Variants in ZNF469 observed in about 807,000 individuals in gnomAD.
ZNF469 encodes the protein zinc finger protein 469.
Under a neutral mutation model 1.0 loss-of-function variants are expected in ZNF469, and 1 was observed. The observed-to-expected ratio is 1.00, with a 90% CI of 0.35 to 4.73. The LOEUF (loss-of-function observed/expected upper bound fraction) is 4.73, where lower values mean the gene tolerates loss of function less well. ZNF469 is among the 30% of genes most tolerant of loss of function. ZNF469 has a pLI of 0.16. For synonymous variants in ZNF469, 2,703 were observed against 2,363.4 expected (o/e 1.14, Z -4.17); for missense variants, 6,100 against 5,356.3 (o/e 1.14, Z -4.33).
chr16:88,223,623 G>C, the ZNF469 span, among the ~76,000 whole-genome samples: 1 of 152,154 alleles, frequency 6.6e-6, no homozygotes. Context: ...ATGATGCCTC[G>C]ACCCTGGTGC....
intron 1 of ZNF469, among the ~76,000 whole-genome samples, chr16:88,399,401 T>C (rs1031232953): frequency 1.4e-4 from 22 of 151,940 alleles, no homozygotes; most frequent in African/African-American, 5.3e-4. Flanking sequence ...TTGCCCAGAG[T>C]CACAGCTACA....
chr16:88,102,362 A>G, the ZNF469 span, among the ~76,000 whole-genome samples: 1 of 152,200 alleles, frequency 6.6e-6, no homozygotes, highest in Non-Finnish European at 1.5e-5. Flanking sequence ...TACTAAAAAA[A>G]TACAAAATTT....
chr16:88,271,741 C>T, the ZNF469 span, among the ~76,000 whole-genome samples: 1 of 151,824 alleles, frequency 6.6e-6, no homozygotes, highest in Admixed American at 6.5e-5. Flanking sequence ...CCATCAAGAA[C>T]TCAACAGAGT....
the ZNF469 span, among the ~76,000 whole-genome samples, chr16:88,284,788 G>A: frequency 6.6e-6 from 1 of 152,340 alleles, no homozygotes; most frequent in African/African-American, 2.4e-5. Context: ...GGAGGGCGAT[G>A]GGGCCTTGGT....
the ZNF469 span, among the ~76,000 whole-genome samples, chr16:88,102,351 C>G: frequency 6.6e-6 from 1 of 152,110 alleles, no homozygotes; most frequent in African/African-American, 2.4e-5. Flanking sequence ...AACCCCATCT[C>G]TACTAAAAAA....
chr16:88,180,429 C>A, the ZNF469 span, among the ~76,000 whole-genome samples: 3 of 152,006 alleles, frequency 2.0e-5, no homozygotes, highest in African/African-American at 4.8e-5. Context: ...AATAGATATC[C>A]GAACAAGGAA....
At chr16:88,370,554 G>C in the ZNF469 span, among the ~76,000 whole-genome samples, 5 of 152,152 alleles carry the variant, frequency 3.3e-5, no homozygotes, top group Non-Finnish European at 7.3e-5. Context: ...GGTTCCTCTC[G>C]GGGTTAGACG....
rs1031630531 is a variant in ZNF469, at chr16:88,438,205, G to A, written c.10735G>A (p.Glu3579Lys). 2.6e-6 allele frequency: 4 copies of A among 1,547,220 alleles called. No individual in the cohort carries two copies. In the African/African-American group the frequency reaches 5.5e-5, roughly 21 times the overall value. Residue 3579 changes from glutamate (E) to lysine (K), a missense_variant, in exon 3 of 3, where the codon GAG becomes AAG. Coordinates refer to ENST00000565624, the MANE Select transcript of ZNF469 (RefSeq NM_001367624.2). ...GCTGGACGGAGCCCTGGAGAGGCCAGAGAACGAGGCTTCCCCAGGCAGCCC... is the reference window on the plus strand; with the variant it reads ...GCTGGACGGAGCCCTGGAGAGGCCAAAGAACGAGGCTTCCCCAGGCAGCCC... ...CALDGALERP[E>K]NEASPGSPGP...
the ZNF469 span, among the ~76,000 whole-genome samples, chr16:88,289,394 T>A: frequency 6.6e-6 from 1 of 150,608 alleles, no homozygotes; most frequent in Non-Finnish European, 1.5e-5. Flanking sequence ...GTGATGATCA[T>A]GATGATGGTG....
Position 88,430,485 on chromosome 16 carries a change from C to T in ZNF469, c.3015C>T (p.Arg1005=). Residue 1005 remains arginine (R), a synonymous_variant, in exon 3 of 3, where the codon CGC becomes CGT. Transcript: ENST00000565624. ...RRPRTQAPGS[R]ADPAPRVPRA... Reference sequence around the variant, plus strand: ...CTAGAACGCAGGCCCCCGGGAGCCGCGCAGACCCCGCGCCCCGGGTCCCGA... The same window carrying T: ...CTAGAACGCAGGCCCCCGGGAGCCGTGCAGACCCCGCGCCCCGGGTCCCGA... 1 of 1,424,184 alleles carries T rather than the reference C, an allele frequency of 7.0e-7. No homozygotes were observed. Among genetic ancestry groups the T allele is most frequent in the South Asian group, 1.5e-5 (1 of 66,296 alleles). The allele number at this position is 1,424,184 out of a possible 1,614,324, so 88.2% of individuals were successfully genotyped here.
chr16:88,389,514 C>G (rs959288587), intron 1 of ZNF469, among the ~76,000 whole-genome samples: 2 of 152,246 alleles, frequency 1.3e-5, no homozygotes, highest in Non-Finnish European at 2.9e-5. Context: ...CTCTCCTGGG[C>G]AGCTTCCTGG....
chr16:88,376,111 A>C, the ZNF469 span, among the ~76,000 whole-genome samples: 9 of 152,216 alleles, frequency 5.9e-5, no homozygotes, highest in Non-Finnish European at 1.0e-4. Flanking sequence ...TGGGAGAAGG[A>C]CGCCGCTGTT....
the ZNF469 span, among the ~76,000 whole-genome samples, chr16:88,287,773 G>A: frequency 7.2e-5 from 11 of 152,204 alleles, no homozygotes; most frequent in Middle Eastern, 3.4e-3. Context: ...ATGCATTCAC[G>A]CTCCAGGCTA....
At chr16:88,294,891 G>A in the ZNF469 span, 4 of 157,404 alleles carry the variant, frequency 2.5e-5, no homozygotes, top group South Asian at 1.8e-4. Context: ...CACCAAGCAC[G>A]GCCTGTGCTG....
the ZNF469 span, among the ~76,000 whole-genome samples, chr16:88,182,393 T>G: frequency 6.6e-6 from 1 of 152,104 alleles, no homozygotes; most frequent in African/African-American, 2.4e-5. Context: ...TAAACTTATA[T>G]GAAAATTAAA....
At chr16:88,369,369 A>G in the ZNF469 span, among the ~76,000 whole-genome samples, 6 of 152,346 alleles carry the variant, frequency 3.9e-5, no homozygotes, top group South Asian at 1.0e-3. Flanking sequence ...GCTTCTTCCC[A>G]GGGCTCCTTG....
chr16:88,162,808 T>G, the ZNF469 span, among the ~76,000 whole-genome samples: 4 of 152,236 alleles, frequency 2.6e-5, no homozygotes, highest in East Asian at 5.8e-4. Context: ...ACAAGTGATA[T>G]CTTAATTATT....
the ZNF469 span, among the ~76,000 whole-genome samples, chr16:88,184,375 G>A: frequency 2.6e-5 from 4 of 152,050 alleles, no homozygotes; most frequent in East Asian, 7.7e-4. Context: ...GTGATTAAAC[G>A]TATGATTTCT....
At chr16:88,417,304 C>T (rs1905329053) in intron 1 of ZNF469, among the ~76,000 whole-genome samples, 1 of 152,330 alleles carries the variant, frequency 6.6e-6, no homozygotes, top group South Asian at 2.1e-4. Context: ...ACCGAGTCAC[C>T]CTCAACGATC....
Sources: gnomAD v4.1 joint callset for allele counts (sites outside exome capture counted in the v4.1 genomes callset) on GRCh38, gnomAD v4.1.1 for gene constraint, MANE v1.5 for transcripts, NCBI Gene and HGNC (gene_info 2026-07-23, HGNC 2026-07-21) for gene names.